The following RGS21 variants were observed in gnomAD, a reference collection of about 807,000 sequenced individuals.
RGS21 encodes regulator of G-protein signalling 21.
A neutral mutation model predicts 18.7 loss-of-function variants in RGS21; 19 were observed. The observed-to-expected ratio is 1.01, with a 90% CI of 0.71 to 1.49. The LOEUF (loss-of-function observed/expected upper bound fraction) is 1.49, where lower values mean the gene tolerates loss of function less well. Ranked by LOEUF, RGS21 falls within the 40% of genes most tolerant of loss-of-function variation. The pLI is 0.00. For missense variants in RGS21, 194 were observed against 176.8 expected (o/e 1.10, Z -0.55); for synonymous variants, 56 against 57.8 (o/e 0.97, Z 0.14).
In RGS21 at chr1:192,352,216, G is replaced by C. The variant is rs749171887; in HGVS notation, c.255+3G>C. ...TTGAAGCTGATGCACCTAAAGAGGT[G>C]AGTGAACTACTTCAGAACAGTGAAG... On this transcript the variant is annotated splice_donor_region_variant and intron_variant, in intron 4 of 4. Coordinates refer to ENST00000417209, the MANE Select transcript of RGS21 (RefSeq NM_001039152.3). The C allele has an allele frequency of 2.5e-6, 4 of 1,597,958 alleles. No homozygotes were observed. Among genetic ancestry groups the C allele is most frequent in the South Asian group, 2.3e-5 (2 of 88,658 alleles).
Position 192,320,575 on chromosome 1 carries a change from G to A in RGS21, c.-61+3470G>A, listed in dbSNP as rs149513445. Among the ~76,000 whole-genome samples, 398 of 109,498 alleles carry A rather than the reference G, an allele frequency of 3.6e-3. 1 individual carries two copies. The highest frequency in any genetic ancestry group is 0.013 in the African/African-American group (382 of 29,214). The allele number at this position is 109,498 out of a possible 152,430, so 71.8% of individuals were successfully genotyped here. A position where few individuals can be genotyped will look rare whatever the true frequency, so the allele number is the denominator to read the frequency against. ...GTGTATGTGTATGTGTATGTGTGAG[G>A]ATGTGTTGTAATAACCTCTCCAGAA... On this transcript the variant is annotated intron_variant, in intron 1 of 4. Transcript: ENST00000417209.
intron 1 of RGS21, among the ~76,000 whole-genome samples, chr1:192,333,883 C>T (rs961122971): frequency 2.0e-5 from 3 of 152,070 alleles, no homozygotes; most frequent in Admixed American, 2.0e-4. Flanking sequence ...CCATGCCAAC[C>T]ACTGGGATAG....
At chr1:192,343,952 T>C (rs1658910217) in intron 2 of RGS21, among the ~76,000 whole-genome samples, 1 of 152,134 alleles carries the variant, frequency 6.6e-6, no homozygotes, top group Admixed American at 6.6e-5. Context: ...TCAACCATCC[T>C]CTTTTTTCTC....
At chr1:192,347,177 T>G in intron 2 of RGS21, 136 bp from the exon 3 acceptor site, 2 of 599,290 alleles carry the variant, frequency 3.3e-6, no homozygotes, top group Non-Finnish European at 6.2e-6. Context: ...TAAATAGCAT[T>G]GTATAATTTT....
At chr1:192,330,201 G>A (rs965712400) in intron 1 of RGS21, among the ~76,000 whole-genome samples, 1 of 152,174 alleles carries the variant, frequency 6.6e-6, no homozygotes, top group Admixed American at 6.5e-5. Context: ...GCATATAATA[G>A]GTGTTACGAA....
rs74560944 is a variant in RGS21 at position 192,330,192 on chromosome 1, C to G, written c.-60-12785C>G. On this transcript the variant is annotated intron_variant, in intron 1 of 4. Coordinates refer to ENST00000417209, the MANE Select transcript of RGS21 (RefSeq NM_001039152.3). ...GTACACAAGATAGAAAGTGATAAAG[C>G]ATATAATAGGTGTTACGAAAGTTCA... 1.2e-3 allele frequency among the ~76,000 whole-genome samples: 180 copies of G among 152,188 alleles called. 1 individual carries two copies. The Middle Eastern group carries it at 0.024, about 20-fold the overall frequency.
In RGS21 at chr1:192,337,202, T is replaced by A. The variant is rs185275746; in HGVS notation, c.-60-5775T>A. Among the ~76,000 whole-genome samples the A allele has an allele frequency of 3.9e-5, 6 of 152,106 alleles. No individual in the cohort carries two copies. The East Asian group carries it at 1.2e-3, about 29-fold the overall frequency. ...TCAGTGCCCCGAAATATTAAGAGAA[T>A]CTTAGTACCATCTCAAATATTGTAC... is the stretch of plus-strand genomic sequence containing the variant. On this transcript the variant is annotated intron_variant, in intron 1 of 4. Transcript: ENST00000417209.
At chr1:192,345,234 G>T (rs747541982) in intron 2 of RGS21, among the ~76,000 whole-genome samples, 3 of 152,058 alleles carry the variant, frequency 2.0e-5, no homozygotes, top group Non-Finnish European at 4.4e-5. Context: ...TTCTAGAATG[G>T]ATGTCAGCTA....
At chr1:192,330,221 G>A (rs1026213019) in intron 1 of RGS21, among the ~76,000 whole-genome samples, 1 of 152,174 alleles carries the variant, frequency 6.6e-6, no homozygotes, top group Non-Finnish European at 1.5e-5. Flanking sequence ...AAGTTCAGAG[G>A]AGCAACAGAT....
intron 4 of RGS21, among the ~76,000 whole-genome samples, chr1:192,354,624 G>A (rs1040214841): frequency 1.5e-4 from 23 of 151,616 alleles, no homozygotes; most frequent in Admixed American, 1.5e-3. Context: ...TGCACAAGTG[G>A]AAAATTAAAT....
intron 2 of RGS21, among the ~76,000 whole-genome samples, chr1:192,346,683 G>T (rs1157700106): frequency 1.3e-5 from 2 of 151,988 alleles, no homozygotes; most frequent in African/African-American, 4.8e-5. Context: ...ATAAATTTTT[G>T]ACTGCTTTGG....
At chr1:192,359,655 G>GTGTATATATATA (rs1553241170) in intron 4 of RGS21, among the ~76,000 whole-genome samples, 65 of 124,274 alleles carry the variant, frequency 5.2e-4, no homozygotes, top group East Asian at 4.1e-3. Flanking sequence ...GTGTGTGTGT[G>GTGTATATATATA]TATATATATA....
chr1:192,363,497 A>C (rs1464868089), intron 4 of RGS21, among the ~76,000 whole-genome samples: 1 of 152,170 alleles, frequency 6.6e-6, no homozygotes, highest in African/African-American at 2.4e-5. Context: ...ACACCAGATA[A>C]GTTTATGAAA....
chr1:192,343,395 G>A (rs1004509056), intron 2 of RGS21, among the ~76,000 whole-genome samples: 2 of 151,990 alleles, frequency 1.3e-5, no homozygotes, highest in African/African-American at 4.8e-5. Flanking sequence ...ATTTTACATG[G>A]ATATTAAATG....
intron 4 of RGS21, among the ~76,000 whole-genome samples, chr1:192,355,039 T>C (rs980128458): frequency 6.6e-6 from 1 of 151,626 alleles, no homozygotes; most frequent in African/African-American, 2.4e-5. Context: ...TTATGTCCTC[T>C]CCTTTAAAGT....
chr1:192,318,637 G>A (rs1019592010), intron 1 of RGS21, among the ~76,000 whole-genome samples: 2 of 151,984 alleles, frequency 1.3e-5, no homozygotes, highest in African/African-American at 4.8e-5. Flanking sequence ...CTTTATTGAT[G>A]GGTTTTATCA....
intron 1 of RGS21, among the ~76,000 whole-genome samples, chr1:192,331,283 G>A (rs1658643972): frequency 6.6e-6 from 1 of 152,144 alleles, no homozygotes; most frequent in Non-Finnish European, 1.5e-5. Context: ...GCTGGGTGTG[G>A]TGGCTCACGC....
intron 1 of RGS21, among the ~76,000 whole-genome samples, chr1:192,337,310 T>C (rs1176197745): frequency 6.6e-6 from 1 of 152,012 alleles, no homozygotes; most frequent in Non-Finnish European, 1.5e-5. Context: ...TATTACCTAA[T>C]AGAATTTTAC....
In RGS21 at chr1:192,352,828, T is replaced by C. The variant is rs16834191; in HGVS notation, c.255+615T>C. ...TTAATAGCGCTCCAAACGTGTTTTATATGTGGAATATCTCATTTGTAGTTG... is the reference window on the plus strand; with the variant it reads ...TTAATAGCGCTCCAAACGTGTTTTACATGTGGAATATCTCATTTGTAGTTG... On this transcript the variant is annotated intron_variant, in intron 4 of 4. Transcript: ENST00000417209. Among the ~76,000 whole-genome samples, 1,784 of 152,142 alleles carry C rather than the reference T, an allele frequency of 0.012. 72 individuals carry two copies. In the East Asian group the frequency reaches 0.14, roughly 12 times the overall value.
Sources: gnomAD v4.1 joint callset for allele counts (sites outside exome capture counted in the v4.1 genomes callset) on GRCh38, gnomAD v4.1.1 for gene constraint, MANE v1.5 for transcripts, NCBI Gene and HGNC (gene_info 2026-07-23, HGNC 2026-07-21) for gene names.